Variants in MYOM1 observed in about 807,000 individuals in gnomAD.
The protein encoded by MYOM1 is myomesin-1.
Under a neutral mutation model 205.3 loss-of-function variants are expected in MYOM1, and 164 were observed. That is an observed-to-expected ratio of 0.80 (90% confidence interval 0.70 to 0.91). The LOEUF is 0.91. MYOM1 is among the 40% of genes least tolerant of loss of function. The pLI is 0.00. For missense variants in MYOM1, 2,011 were observed against 2,127.3 expected (o/e 0.95, Z 1.08); for synonymous variants, 772 against 789.4 (o/e 0.98, Z 0.37).
intron 22 of MYOM1, among the ~76,000 whole-genome samples, chr18:3,107,097 A>AT (rs1188066707): frequency 1.3e-5 from 2 of 152,162 alleles, no homozygotes; most frequent in Admixed American, 6.5e-5. Context: ...TATTAAAACT[A>AT]TATTTGGCAC....
rs876657917 is a variant in MYOM1 at position 3,084,016 on chromosome 18, G to C, written c.4351C>G (p.Leu1451Val). The C allele has an allele frequency of 1.1e-5, 17 of 1,582,792 alleles. No individual in the cohort carries two copies. Among genetic ancestry groups the C allele is most frequent in the South Asian group, 3.5e-5 (3 of 86,628 alleles). ...ATTTTTTTGCATACTTCCATCATCAGTTCCTTAAAGGCTGTGGAGAGAGAT... is the reference window on the plus strand; with the variant it reads ...ATTTTTTTGCATACTTCCATCATCACTTCCTTAAAGGCTGTGGAGAGAGAT... Reference protein sequence around the residue: ...LKLVDEAFKELMMEVCKKIAL... With the variant: ...LKLVDEAFKEVMMEVCKKIAL... Residue 1451 changes from leucine to valine, a missense_variant, in exon 32 of 38, where the codon CTG becomes GTG. Leu to Val is a conservative substitution (Grantham distance 32). Coordinates refer to ENST00000356443, the MANE Select transcript of MYOM1 (RefSeq NM_003803.4).
At chr18:3,112,442 T>G in intron 21 of MYOM1, 30 bp from the exon 22 acceptor site, 3 of 1,532,760 alleles carry the variant, frequency 2.0e-6, no homozygotes, top group South Asian at 1.2e-5. Flanking sequence ...AAGCAATGGG[T>G]GTTTGATGAA....
Position 3,164,381 on chromosome 18 carries a change from C to T in MYOM1, c.1398G>A (p.Thr466=), listed in dbSNP as rs373852775. ...VQTLWSGERA[T]LTFSHLNKED... is the part of the protein sequence containing the mutation. ...CTTTGTTGAGATGGGAAAATGTCAG[C>T]GTTGCCCGCTCTCCACTCCAAAGTG... The change falls in exon 10 of 38, where the codon ACG becomes ACA. Residue 466 remains threonine (T), a synonymous_variant. Transcript: ENST00000356443. 8.1e-6 allele frequency: 13 copies of T among 1,611,466 alleles called. No individual in the cohort carries two copies. The African/African-American group carries it at 9.3e-5, about 12-fold the overall frequency.
At chr18:3,165,290 T>C (rs1046137083) in intron 9 of MYOM1, among the ~76,000 whole-genome samples, 1 of 152,220 alleles carries the variant, frequency 6.6e-6, no homozygotes, top group Non-Finnish European at 1.5e-5. Flanking sequence ...ATTTATACAG[T>C]TTCATTTTAA....
At chr18:3,197,715 T>C (rs889229907) in intron 2 of MYOM1, among the ~76,000 whole-genome samples, 16 of 151,424 alleles carry the variant, frequency 1.1e-4, no homozygotes, top group African/African-American at 2.2e-4. Flanking sequence ...TTACTAAAAA[T>C]ACAAAAAATT....
intron 16 of MYOM1, among the ~76,000 whole-genome samples, chr18:3,132,544 G>A (rs1040184656): frequency 5.3e-5 from 8 of 151,904 alleles, no homozygotes; most frequent in Non-Finnish European, 5.9e-5. Flanking sequence ...GTTTGTTGAC[G>A]GATTATTTCA....
At chr18:3,156,540 A>G (rs1442215474) in intron 10 of MYOM1, among the ~76,000 whole-genome samples, 1 of 152,174 alleles carries the variant, frequency 6.6e-6, no homozygotes, top group African/African-American at 2.4e-5. Flanking sequence ...TTGTGCCTAA[A>G]ACTTAATGCA....
At position 3,100,316 on chromosome 18, in the gene MYOM1, T is replaced by C. The variant is rs745566498; in HGVS notation, c.3682+4A>G. ...ATGTGTGAATGCACTGATTTTAAAC[T>C]TACCTTCCTCATCTATTAAGTAGCT... On this transcript the variant is annotated splice_donor_region_variant and intron_variant, in intron 24 of 37. Transcript: ENST00000356443. 1.2e-6 allele frequency: 2 copies of C among 1,613,554 alleles called. No individual in the cohort carries two copies. The highest frequency in any genetic ancestry group is 2.2e-5 in the South Asian group (2 of 91,046).
intron 5 of MYOM1, among the ~76,000 whole-genome samples, chr18:3,181,125 C>G (rs2080723986): frequency 6.6e-6 from 1 of 152,278 alleles, no homozygotes; most frequent in African/African-American, 2.4e-5. Context: ...TGGGCTTTCA[C>G]CATGTTGGCC....
intron 10 of MYOM1, among the ~76,000 whole-genome samples, chr18:3,159,202 T>C (rs958011738): frequency 6.6e-6 from 1 of 152,200 alleles, no homozygotes; most frequent in African/African-American, 2.4e-5. Flanking sequence ...ATTTGTTAAA[T>C]TTATATTATC....
chr18:3,128,589 ATATATT>A (rs2079828785), intron 18 of MYOM1, among the ~76,000 whole-genome samples: 1 of 152,174 alleles, frequency 6.6e-6, no homozygotes, highest in South Asian at 2.1e-4. Context: ...TAACTCAAAG[ATATATT>A]TATAGCTGTT....
chr18:3,166,248 C>T (rs2080467294), intron 9 of MYOM1, among the ~76,000 whole-genome samples: 1 of 145,174 alleles, frequency 6.9e-6, no homozygotes, highest in South Asian at 2.2e-4. Context: ...AGTCTGATCT[C>T]TTTCTATCTC....
intron 2 of MYOM1, among the ~76,000 whole-genome samples, chr18:3,205,058 C>T (rs2081111738): frequency 6.6e-6 from 1 of 152,048 alleles, no homozygotes; most frequent in Non-Finnish European, 1.5e-5. Flanking sequence ...CAATATTATA[C>T]ACAAAAAGTT....
At position 3,172,281 on chromosome 18, in the gene MYOM1, C is replaced by T. The variant is rs192711257; in HGVS notation, c.1174+1657G>A. On this transcript the variant is annotated intron_variant, in intron 8 of 37. Transcript: ENST00000356443. Reference sequence around the variant, plus strand: ...CTCTGTTTTCTGTTAGGAACAACTGCATTCAATTCGGGGGTCATCAGAGAG... The same window carrying T: ...CTCTGTTTTCTGTTAGGAACAACTGTATTCAATTCGGGGGTCATCAGAGAG... Among the ~76,000 whole-genome samples the T allele has an allele frequency of 1.3e-3, 204 of 152,288 alleles. 3 individuals carry two copies. Among genetic ancestry groups the T allele is most frequent in the Non-Finnish European group, 1.8e-4 (12 of 68,030 alleles).
chr18:3,101,989 A>ATTTTTTTT (rs35882298), intron 23 of MYOM1, among the ~76,000 whole-genome samples: 1 of 55,830 alleles, frequency 1.8e-5, no homozygotes, highest in Non-Finnish European at 3.1e-5. Flanking sequence ...TCAGTCTGGG[A>ATTTTTTTT]TTTTTTTTTT....
chr18:3,070,753 TGTGTGTGTGTGTGTGTGTGTGCAC>T (rs1315380527), intron 37 of MYOM1, among the ~76,000 whole-genome samples: 1 of 151,350 alleles, frequency 6.6e-6, no homozygotes, highest in Admixed American at 6.6e-5. Context: ...TGTGTGTGTG[TGTGTGTGTGTGTGTGTGTGTGCAC>T]GTGTGTGTGT....
intron 5 of MYOM1, among the ~76,000 whole-genome samples, chr18:3,177,968 C>T (rs1202133936): frequency 2.0e-5 from 3 of 152,300 alleles, no homozygotes; most frequent in East Asian, 1.9e-4. Context: ...GAGTGGACTA[C>T]GCAGGCGGGC....
chr18:3,242,694 A>G, the MYOM1 span, among the ~76,000 whole-genome samples: 1 of 152,046 alleles, frequency 6.6e-6, no homozygotes, highest in Non-Finnish European at 1.5e-5. Context: ...TTTTTAGTAG[A>G]GATGGGGTTT....
intron 2 of MYOM1, among the ~76,000 whole-genome samples, chr18:3,202,296 C>A (rs532635147): frequency 8.5e-4 from 129 of 152,150 alleles, no homozygotes; most frequent in African/African-American, 3.0e-3. Context: ...ATGAGATATA[C>A]TTTAAAAAGT....
Sources: allele counts gnomAD v4.1 joint callset (sites outside exome capture counted in the v4.1 genomes callset), GRCh38; gene constraint gnomAD v4.1.1; transcripts MANE v1.5; gene names NCBI Gene and HGNC (gene_info 2026-07-23, HGNC 2026-07-21).